THRB: variants seen among roughly 807,000 people sequenced by gnomAD.
THRB encodes nuclear receptor subfamily 1 group A member 2.
THRB carries 12 observed loss-of-function variants against 47.8 expected under a neutral mutation model. The ratio of observed to expected loss-of-function variants is 0.25; its 90% CI spans 0.16 to 0.41. The LOEUF is 0.41. THRB is among the 10% of genes least tolerant of loss of function. The pLI is 1.00. For missense variants in THRB, 348 were observed against 589.2 expected (o/e 0.59, Z 4.24); for synonymous variants, 218 against 212.2 (o/e 1.03, Z -0.24).
chr3:24,238,286 G>C (rs560190987), intron 3 of THRB, among the ~76,000 whole-genome samples: 10 of 136,224 alleles, frequency 7.3e-5, no homozygotes, highest in African/African-American at 2.4e-4. Context: ...TGTGGGGGGG[G>C]GGGGGGTGTG....
intron 3 of THRB, among the ~76,000 whole-genome samples, chr3:24,276,926 A>G (rs541171424): frequency 6.6e-6 from 1 of 152,350 alleles, no homozygotes; most frequent in Admixed American, 6.5e-5. Context: ...GATTAAATGT[A>G]TACCATTTAT....
rs58600238 is a variant in THRB, at chr3:24,161,617, AACACACACACACACACAC to A, written c.284-9145_284-9128del. Among the ~76,000 whole-genome samples the A allele has an allele frequency of 1.4e-4, 20 of 141,192 alleles. No homozygotes were observed. The East Asian group carries it at 2.6e-3, about 18-fold the overall frequency. 92.6% of individuals were successfully genotyped at this position (141,192 alleles called of 152,430 possible). A position where few individuals can be genotyped will look rare whatever the true frequency, so the allele number is the denominator to read the frequency against. On this transcript the variant is annotated intron_variant, in intron 5 of 10. Coordinates refer to ENST00000646209, the MANE Select transcript of THRB (RefSeq NM_001354712.2). ...TCACCTGGAGTCAACAGAGCTACAG[AACACACACACACACACAC>A]ACACACACACACACACACAGACAGA...
At chr3:24,325,112 G>A (rs1316528705) in intron 2 of THRB, among the ~76,000 whole-genome samples, 4 of 152,174 alleles carry the variant, frequency 2.6e-5, no homozygotes, top group Non-Finnish European at 5.9e-5. Flanking sequence ...AGAAGAAGCA[G>A]CAGAAGAGAA....
At chr3:24,417,052 T>C (rs570566226) in intron 1 of THRB, among the ~76,000 whole-genome samples, 5 of 151,686 alleles carry the variant, frequency 3.3e-5, no homozygotes, top group African/African-American at 1.2e-4. Flanking sequence ...ATATATTTCA[T>C]TTATGCATAT....
At chr3:24,447,101 T>C (rs1246869965) in intron 1 of THRB, among the ~76,000 whole-genome samples, 1 of 152,206 alleles carries the variant, frequency 6.6e-6, no homozygotes, top group Non-Finnish European at 1.5e-5. Flanking sequence ...TTTAGCAACA[T>C]ATATTTTAAT....
intron 1 of THRB, among the ~76,000 whole-genome samples, chr3:24,444,070 T>A (rs532470465): frequency 5.1e-4 from 78 of 152,244 alleles, no homozygotes; most frequent in Non-Finnish European, 9.0e-4. Flanking sequence ...TGCAAAAAAA[T>A]TTCTTTAACA....
chr3:24,347,996 C>T (rs568053277), intron 1 of THRB, among the ~76,000 whole-genome samples: 2 of 152,176 alleles, frequency 1.3e-5, no homozygotes, highest in African/African-American at 4.8e-5. Flanking sequence ...ATGAGGCCAG[C>T]ATAGTCTTGA....
In THRB at chr3:24,118,709, C is replaced by T. The variant is rs1161496082; in HGVS notation, c.*4175G>A. The T allele has an allele frequency of 1.3e-5, 2 of 152,606 alleles. No individual in the cohort carries two copies. Among genetic ancestry groups the T allele is most frequent in the Non-Finnish European group, 2.9e-5 (2 of 68,026 alleles). The allele number at this position is 152,606 out of a possible 1,614,324, so 9.5% of individuals were successfully genotyped here. Reference sequence around the variant, plus strand: ...ATGTAAAGTGTCTCCTTTTGTCTTACATTGTGCTCCATAATTTACATGAGT... The same window carrying T: ...ATGTAAAGTGTCTCCTTTTGTCTTATATTGTGCTCCATAATTTACATGAGT... On this transcript the variant is annotated 3_prime_UTR_variant, in exon 11 of 11. Transcript: ENST00000646209.
chr3:24,386,444 A>G (rs896581677), intron 1 of THRB, among the ~76,000 whole-genome samples: 3 of 152,000 alleles, frequency 2.0e-5, no homozygotes, highest in Admixed American at 1.3e-4. Context: ...ACAACCTTCT[A>G]TGGCTCCCCA....
At chr3:24,360,725 T>A (rs2064001093) in intron 1 of THRB, among the ~76,000 whole-genome samples, 1 of 152,198 alleles carries the variant, frequency 6.6e-6, no homozygotes, top group South Asian at 2.1e-4. Context: ...GTTCACTTGG[T>A]ACTAAGCATA....
At chr3:24,276,287 A>G (rs1268205417) in intron 3 of THRB, among the ~76,000 whole-genome samples, 4 of 152,192 alleles carry the variant, frequency 2.6e-5, no homozygotes, top group Admixed American at 6.5e-5. Flanking sequence ...ATCTGAAAGC[A>G]TTCACCATTA....
At chr3:24,310,034 G>A (rs1456290495) in intron 2 of THRB, among the ~76,000 whole-genome samples, 2 of 152,246 alleles carry the variant, frequency 1.3e-5, no homozygotes, top group Admixed American at 6.5e-5. Context: ...GGGGGCAGGC[G>A]AGTGGGCTTG....
At chr3:24,371,543 G>A (rs563109958) in intron 1 of THRB, among the ~76,000 whole-genome samples, 2 of 152,264 alleles carry the variant, frequency 1.3e-5, no homozygotes, top group African/African-American at 2.4e-5. Context: ...AATGCCGGCA[G>A]TGTCAGAATT....
intron 3 of THRB, among the ~76,000 whole-genome samples, chr3:24,240,624 G>A (rs531537776): frequency 2.0e-5 from 3 of 152,154 alleles, no homozygotes; most frequent in Non-Finnish European, 4.4e-5. Context: ...ATTCTGTGCT[G>A]CTTCTGACTT....
intron 4 of THRB, among the ~76,000 whole-genome samples, chr3:24,209,623 A>G (rs2045798227): frequency 6.6e-6 from 1 of 152,192 alleles, no homozygotes; most frequent in South Asian, 2.1e-4. Context: ...GGAATTGAAC[A>G]ATGAGTACAC....
chr3:24,422,279 G>A (rs1290214285), intron 1 of THRB, among the ~76,000 whole-genome samples: 3 of 151,874 alleles, frequency 2.0e-5, no homozygotes, highest in Non-Finnish European at 4.4e-5. Flanking sequence ...ATCCTGGATG[G>A]ATAATCTCCC....
In THRB at chr3:24,123,094, T is replaced by A. The variant is rs1283687534; in HGVS notation, c.1176A>T (p.Ile392=). Residue 392 remains isoleucine (I), a synonymous_variant, in exon 11 of 11, where the codon ATA becomes ATT. Coordinates refer to ENST00000646209, the MANE Select transcript of THRB (RefSeq NM_001354712.2). ...DRPGLACVER[I]EKYQDSFLLA... is the part of the protein sequence containing the mutation. ...GCAGGAAACTATCTTGGTACTTTTC[T>A]ATTCTCTCAACACAGGCAAGCCCCG... 7.4e-6 allele frequency: 12 copies of A among 1,614,084 alleles called. No individual in the cohort carries two copies. Among genetic ancestry groups the A allele is most frequent in the Non-Finnish European group, 1.0e-5 (12 of 1,180,034 alleles).
At chr3:24,378,272 G>A (rs996448335) in intron 1 of THRB, among the ~76,000 whole-genome samples, 1 of 152,132 alleles carries the variant, frequency 6.6e-6, no homozygotes, top group Non-Finnish European at 1.5e-5. Context: ...AATAAGAAAA[G>A]ATTGTTTGTG....
At chr3:24,211,569 T>A (rs1030506154) in intron 4 of THRB, among the ~76,000 whole-genome samples, 2 of 152,214 alleles carry the variant, frequency 1.3e-5, no homozygotes, top group Non-Finnish European at 2.9e-5. Context: ...GTGTAGGCTT[T>A]TATCTTAAGC....
Sources: allele counts gnomAD v4.1 joint callset (sites outside exome capture counted in the v4.1 genomes callset), GRCh38; gene constraint gnomAD v4.1.1; transcripts MANE v1.5; gene names NCBI Gene and HGNC (gene_info 2026-07-23, HGNC 2026-07-21).